RWDD4: variants seen among roughly 807,000 people sequenced by gnomAD.
RWDD4 encodes RWD domain-containing protein 4.
A neutral mutation model predicts 30.0 loss-of-function variants in RWDD4; 16 were observed. That is an observed-to-expected ratio of 0.53 (90% confidence interval 0.36 to 0.81). The LOEUF is 0.81. Ranked by LOEUF, RWDD4 falls within the 30% of genes least tolerant of loss-of-function variation. The pLI is 0.00. For missense variants in RWDD4, 170 were observed against 223.9 expected (o/e 0.76, Z 1.54); for synonymous variants, 45 against 72.1 (o/e 0.62, Z 1.90).
At chr4:183,656,303 T>C (rs989435171) in intron 1 of RWDD4, among the ~76,000 whole-genome samples, 11 of 152,220 alleles carry the variant, frequency 7.2e-5, no homozygotes, top group African/African-American at 2.7e-4. Context: ...CTCTTAGAAC[T>C]TGGCTAAAGA....
chr4:183,648,790 T>G (rs1734016629), intron 5 of RWDD4, among the ~76,000 whole-genome samples: 1 of 152,182 alleles, frequency 6.6e-6, no homozygotes, highest in Non-Finnish European at 1.5e-5. Flanking sequence ...TGCCACTCGG[T>G]TACCTTTTTT....
Position 183,655,883 on chromosome 4 carries a change from T to G in RWDD4, c.103A>C (p.Arg35=), listed in dbSNP as rs61734416. 21,532 of 1,596,762 alleles carry G rather than the reference T, an allele frequency of 0.013. 2,535 individuals carry two copies. The African/African-American group carries it at 0.26, about 19-fold the overall frequency. Residue 35 remains arginine, a splice_region_variant and synonymous_variant, in exon 2 of 8, where the codon AGG becomes CGG. Coordinates refer to ENST00000326397, the MANE Select transcript of RWDD4 (RefSeq NM_152682.4). Reference sequence around the variant, plus strand: ...CTCTTATTCATGCCATGTCTTACCCTATATTGAAAAGAAACTGGACTTAAT... The same window carrying G: ...CTCTTATTCATGCCATGTCTTACCCGATATTGAAAAGAAACTGGACTTAAT... ...RELSPVSFQY[R]IGENGDPKAF...
At chr4:183,644,512 C>T (rs1733928488) in intron 7 of RWDD4, among the ~76,000 whole-genome samples, 1 of 152,228 alleles carries the variant, frequency 6.6e-6, no homozygotes, top group East Asian at 1.9e-4. Context: ...CACTGTGGCT[C>T]ACACCTGTAA....
chr4:183,650,695 A>T (rs1223381738), intron 4 of RWDD4, among the ~76,000 whole-genome samples: 1 of 152,118 alleles, frequency 6.6e-6, no homozygotes, highest in African/African-American at 2.4e-5. Flanking sequence ...CTTTATGGAG[A>T]GATTAAACAA....
intron 7 of RWDD4, 70 bp from the exon 8 acceptor site, chr4:183,641,538 A>G: frequency 8.3e-7 from 1 of 1,203,300 alleles, no homozygotes; most frequent in Non-Finnish European, 1.2e-6. Context: ...TGGAGTATCA[A>G]AATTAAACTA....
intron 5 of RWDD4, among the ~76,000 whole-genome samples, chr4:183,648,371 C>T (rs1396947399): frequency 6.6e-6 from 1 of 151,990 alleles, no homozygotes; most frequent in Non-Finnish European, 1.5e-5. Flanking sequence ...TGTGCAAGTA[C>T]ACAAATGACG....
chr4:183,645,158 C>T (rs941230120), intron 7 of RWDD4, among the ~76,000 whole-genome samples: 3 of 152,184 alleles, frequency 2.0e-5, no homozygotes, highest in African/African-American at 4.8e-5. Context: ...TAAGAATACA[C>T]TGCTTGTAAA....
intron 7 of RWDD4, among the ~76,000 whole-genome samples, chr4:183,642,575 A>C (rs560481735): frequency 1.1e-3 from 161 of 152,340 alleles, no homozygotes; most frequent in South Asian, 1.9e-3. Context: ...AATGGAAGAC[A>C]GCTAACAACA....
chr4:183,641,980 C>A lies in RWDD4; in HGVS notation c.535-512G>T, dbSNP rs1043423436. 6.6e-5 allele frequency among the ~76,000 whole-genome samples: 10 copies of A among 151,942 alleles called. No homozygotes were observed. The South Asian group carries it at 2.1e-3, about 32-fold the overall frequency. ...ATTTTTTTCTAAGAAAAATCTTTGG[C>A]AGGGGTTGGCAAATTTGGGGTAAGG... On this transcript the variant is annotated intron_variant, in intron 7 of 7. Transcript: ENST00000326397.
chr4:183,641,871 C>T (rs985887999), intron 7 of RWDD4, among the ~76,000 whole-genome samples: 1 of 152,042 alleles, frequency 6.6e-6, no homozygotes, highest in Non-Finnish European at 1.5e-5. Context: ...TAAAAAAATA[C>T]GTAACCTAAG....
At chr4:183,651,715 CTTTGT>C (rs577853924) in intron 2 of RWDD4, among the ~76,000 whole-genome samples, 10 of 152,308 alleles carry the variant, frequency 6.6e-5, no homozygotes, top group African/African-American at 2.2e-4. Flanking sequence ...CACACCTCAT[CTTTGT>C]TTTAAGTTAT....
rs571163018 is a variant in RWDD4 at position 183,649,329 on chromosome 4, G to A, written c.481+122C>T. On this transcript the variant is annotated intron_variant, in intron 5 of 7. Coordinates refer to ENST00000326397, the MANE Select transcript of RWDD4 (RefSeq NM_152682.4). ...CTCGGGAGGCTGAGGCAGGAGAATCGCATGAGCCTGGGAGGTGGAGGCTGC... is the reference window on the plus strand; with the variant it reads ...CTCGGGAGGCTGAGGCAGGAGAATCACATGAGCCTGGGAGGTGGAGGCTGC... The A allele has an allele frequency of 8.3e-5, 50 of 603,122 alleles. 1 individual carries two copies. The Middle Eastern group carries it at 3.1e-3, about 37-fold the overall frequency. The allele number at this position is 603,122 out of a possible 1,614,324, so 37.4% of individuals were successfully genotyped here. A position where few individuals can be genotyped will look rare whatever the true frequency, so the allele number is the denominator to read the frequency against.
intron 2 of RWDD4, among the ~76,000 whole-genome samples, chr4:183,652,282 G>A (rs982517846): frequency 2.6e-5 from 4 of 151,614 alleles, no homozygotes; most frequent in African/African-American, 7.3e-5. Flanking sequence ...ATAATCCATT[G>A]AGGGATCATG....
At chr4:183,654,619 G>C (rs1319952438) in intron 2 of RWDD4, among the ~76,000 whole-genome samples, 1 of 152,170 alleles carries the variant, frequency 6.6e-6, no homozygotes, top group African/African-American at 2.4e-5. Context: ...TTGTGAATGA[G>C]ATATTTAGGA....
At chr4:183,658,731 G>C (rs1002161636) in intron 1 of RWDD4, among the ~76,000 whole-genome samples, 198 bp downstream of exon 1, 5 of 152,334 alleles carry the variant, frequency 3.3e-5, no homozygotes, top group Non-Finnish European at 5.9e-5. Context: ...TGAAAAATGA[G>C]GGGGGAAGAG....
At position 183,652,705 on chromosome 4, in the gene RWDD4, G is replaced by C. The variant is rs529009303; in HGVS notation, c.106-1378C>G. 4.6e-5 allele frequency among the ~76,000 whole-genome samples: 7 copies of C among 151,738 alleles called. No homozygotes were observed. In the East Asian group the frequency reaches 1.4e-3, roughly 30 times the overall value. ...TGCGCCTGTAGTCCCAGCTGCTCAG[G>C]AGGCTGAGGCAGGAGAATCGCTTGA... is the stretch of plus-strand genomic sequence containing the variant. On this transcript the variant is annotated intron_variant, in intron 2 of 7. Coordinates refer to ENST00000326397, the MANE Select transcript of RWDD4 (RefSeq NM_152682.4).
intron 2 of RWDD4, among the ~76,000 whole-genome samples, chr4:183,654,953 G>C (rs28584538): frequency 2.1e-5 from 3 of 145,296 alleles, no homozygotes; most frequent in African/African-American, 7.5e-5. Context: ...TGTTTTTTTT[G>C]TTTTTTTTTT....
At chr4:183,648,034 A>G (rs940340745) in intron 5 of RWDD4, among the ~76,000 whole-genome samples, 16 of 152,092 alleles carry the variant, frequency 1.1e-4, no homozygotes, top group Non-Finnish European at 2.1e-4. Context: ...CACGAGGTCA[A>G]GAGATCGAGA....
Position 183,643,415 on chromosome 4 carries a change from C to CAAAAA in RWDD4, c.535-1952_535-1948dup, listed in dbSNP as rs56730708. Among the ~76,000 whole-genome samples, 95 of 22,666 alleles carry CAAAAA rather than the reference C, an allele frequency of 4.2e-3. 23 individuals are homozygous for CAAAAA. Among genetic ancestry groups the CAAAAA allele is most frequent in the Admixed American group, 0.025 (32 of 1,284 alleles). The allele number at this position is 22,666 out of a possible 152,430, so 14.9% of individuals were successfully genotyped here. Reference sequence around the variant, plus strand: ...TGAGTGACAGAGCAAGACTCTATCTCAAAAAAAAAAAAAAAAAAAAAAAAA... The same window carrying CAAAAA: ...TGAGTGACAGAGCAAGACTCTATCTCAAAAAAAAAAAAAAAAAAAAAAAAAAAAAA... On this transcript the variant is annotated intron_variant, in intron 7 of 7. Transcript: ENST00000326397.
Sources: allele counts gnomAD v4.1 joint callset (sites outside exome capture counted in the v4.1 genomes callset), GRCh38; gene constraint gnomAD v4.1.1; transcripts MANE v1.5; gene names NCBI Gene and HGNC (gene_info 2026-07-23, HGNC 2026-07-21).